Variants in ARID1B observed in about 807,000 individuals in gnomAD.
ARID1B encodes the protein AT-rich interaction domain 1B, also known as AT-rich interactive domain-containing protein 1B.
Under a neutral mutation model 212.3 loss-of-function variants are expected in ARID1B, and 30 were observed. The observed-to-expected ratio is 0.14, with a 90% CI of 0.11 to 0.19. The LOEUF (loss-of-function observed/expected upper bound fraction) is 0.19. ARID1B is among the 10% of genes least tolerant of loss of function. The pLI is 1.00. For synonymous variants in ARID1B, 1,402 were observed against 1,301.7 expected (o/e 1.08, Z -1.66); for missense variants, 2,891 against 3,204.0 (o/e 0.90, Z 2.36).
intron 1 of ARID1B, among the ~76,000 whole-genome samples, chr6:156,788,058 G>C (rs1480154918): frequency 6.6e-6 from 1 of 152,066 alleles, no homozygotes; most frequent in African/African-American, 2.4e-5. Context: ...TTCTCTGCCT[G>C]GTCCTGCTGT....
chr6:157,067,297 C>CT (rs1413766133), intron 4 of ARID1B, among the ~76,000 whole-genome samples: 1 of 152,198 alleles, frequency 6.6e-6, no homozygotes, highest in East Asian at 1.9e-4. Flanking sequence ...AACCACGAAG[C>CT]TTTGCTCGTT....
At chr6:157,162,624 G>C (rs1791018846) in intron 8 of ARID1B, among the ~76,000 whole-genome samples, 1 of 152,166 alleles carries the variant, frequency 6.6e-6, no homozygotes, top group Non-Finnish European at 1.5e-5. Flanking sequence ...AATACCTCTG[G>C]TCCCAACCAG....
intron 4 of ARID1B, chr6:156,976,363 C>A: frequency 6.0e-6 from 1 of 167,006 alleles, no homozygotes; most frequent in South Asian, 1.3e-4. Context: ...AGCTGTGCTC[C>A]AAGGTCATTG....
intron 3 of ARID1B, among the ~76,000 whole-genome samples, chr6:156,927,480 G>GT (rs951429078): frequency 7.2e-5 from 11 of 152,136 alleles, no homozygotes; most frequent in African/African-American, 2.4e-4. Context: ...TTCCTGATCT[G>GT]TTTTTTGGTA....
At chr6:157,069,187 T>C (rs1162334603) in intron 4 of ARID1B, among the ~76,000 whole-genome samples, 1 of 152,186 alleles carries the variant, frequency 6.6e-6, no homozygotes, top group Non-Finnish European at 1.5e-5. Context: ...ATTGATGATG[T>C]CTAGTTTGGC....
At chr6:157,133,452 G>C (rs755348369) in intron 7 of ARID1B, among the ~76,000 whole-genome samples, 2 of 152,206 alleles carry the variant, frequency 1.3e-5, no homozygotes, top group African/African-American at 2.4e-5. Flanking sequence ...CATCATCCTT[G>C]TGTTACTAGT....
chr6:156,889,884 T>G (rs530211636), intron 2 of ARID1B, among the ~76,000 whole-genome samples: 1 of 152,306 alleles, frequency 6.6e-6, no homozygotes, highest in South Asian at 2.1e-4. Context: ...TTAATCAAAT[T>G]CTGTGTACAA....
In ARID1B at chr6:156,936,073, T is replaced by C. The variant is rs569757701; in HGVS notation, c.2247+497T>C. On this transcript the variant is annotated intron_variant, in intron 4 of 19. Transcript: ENST00000636930. ...GTTTGAAATTTGAGGCCAGACGCGG[T>C]GGCTCACGCCTGTAATCCCAGCTCT... 2.0e-5 allele frequency: 3 copies of C among 153,334 alleles called. No individual in the cohort carries two copies. The East Asian group carries it at 5.7e-4, about 29-fold the overall frequency. 9.5% of individuals were successfully genotyped at this position (153,334 alleles called of 1,614,324 possible).
At chr6:156,863,727 G>C (rs1268163688) in intron 2 of ARID1B, among the ~76,000 whole-genome samples, 1 of 152,172 alleles carries the variant, frequency 6.6e-6, no homozygotes, top group Non-Finnish European at 1.5e-5. Flanking sequence ...GAATACTCCA[G>C]TTCTGTGTCT....
chr6:157,159,206 T>A (rs1790763804), intron 8 of ARID1B, among the ~76,000 whole-genome samples: 1 of 152,242 alleles, frequency 6.6e-6, no homozygotes. Context: ...TTCATTTTTG[T>A]ATGGTTGCCA....
At chr6:156,999,782 T>C (rs1778805160) in intron 4 of ARID1B, among the ~76,000 whole-genome samples, 1 of 152,198 alleles carries the variant, frequency 6.6e-6, no homozygotes, top group Non-Finnish European at 1.5e-5. Context: ...AATTCCACTG[T>C]TCGGCTTCCC....
chr6:156,942,483 A>C (rs79243554), intron 4 of ARID1B: 12,293 of 152,274 alleles, frequency 0.081, 708 homozygotes, highest in Non-Finnish European at 0.12. Flanking sequence ...AGGCCAGCAG[A>C]AGGGGGAGCC....
intron 3 of ARID1B, among the ~76,000 whole-genome samples, chr6:156,932,499 A>G (rs1214992346): frequency 6.6e-6 from 1 of 152,212 alleles, no homozygotes; most frequent in Non-Finnish European, 1.5e-5. Flanking sequence ...AAACTTACAA[A>G]TAACCAAAGA....
chr6:157,121,336 C>A (rs1433315975), intron 6 of ARID1B, among the ~76,000 whole-genome samples: 1 of 152,118 alleles, frequency 6.6e-6, no homozygotes, highest in Non-Finnish European at 1.5e-5. Flanking sequence ...ATGTCGTCTA[C>A]CCCCAAATAT....
chr6:157,024,811 C>T (rs1012968359), intron 4 of ARID1B: 18 of 152,156 alleles, frequency 1.2e-4, no homozygotes, highest in African/African-American at 4.1e-4. Flanking sequence ...TCTGGCTTTT[C>T]ATCCTTGAGA....
chr6:157,077,363 T>A (rs1784371541), intron 4 of ARID1B, among the ~76,000 whole-genome samples: 1 of 152,186 alleles, frequency 6.6e-6, no homozygotes, highest in African/African-American at 2.4e-5. Context: ...CCTCTGTGGC[T>A]CCCTGGTTCC....
At chr6:157,204,029 TA>T (rs1583508417) in intron 19 of ARID1B, 33 bp downstream of exon 19, 2 of 1,612,792 alleles carry the variant, frequency 1.2e-6, no homozygotes, top group East Asian at 4.5e-5. Context: ...ACAACCAAAT[TA>T]GGATAGGAGA....
rs1223785487 is a variant in ARID1B, at chr6:157,174,965, G to A, written c.3464G>A (p.Ser1155Asn). The change falls in exon 11 of 20, where the codon AGC becomes AAC. Residue 1155 changes from serine to asparagine, a missense_variant. By Grantham distance (46) the Ser-to-Asn change is conservative. Around this residue, in one of 7 missense-constraint regions of ARID1B, gnomAD observed 666 missense variants for 873.5 expected, o/e 0.76. Coordinates refer to ENST00000636930, the MANE Select transcript of ARID1B (RefSeq NM_001374828.1). ...TCATTTCATGGAGATGAAAGTGATA[G>A]CATTAGCAGCCCAGGCTGGCCAAAG... ...ISSFHGDESD[S>N]ISSPGWPKTP... 1 of 1,528,224 alleles carries A rather than the reference G, an allele frequency of 6.5e-7. No homozygotes were observed. The highest frequency in any genetic ancestry group is 1.3e-5 in the South Asian group (1 of 77,836). The allele number at this position is 1,528,224 out of a possible 1,614,324, so 94.7% of individuals were successfully genotyped here. A position where few individuals can be genotyped will look rare whatever the true frequency, so the allele number is the denominator to read the frequency against.
intron 1 of ARID1B, among the ~76,000 whole-genome samples, chr6:156,790,739 A>G (rs559768100): frequency 3.3e-5 from 5 of 152,330 alleles, no homozygotes; most frequent in South Asian, 4.1e-4. Context: ...CGCCATGCAT[A>G]CAGGAGGCAG....
Sources: allele counts gnomAD v4.1 joint callset (sites outside exome capture counted in the v4.1 genomes callset), GRCh38; gene constraint gnomAD v4.1.1; regional missense constraint gnomAD v4.1.1; transcripts MANE v1.5; gene names NCBI Gene and HGNC (gene_info 2026-07-23, HGNC 2026-07-21).